The following CLEC16A variants were observed in gnomAD, a reference collection of about 807,000 sequenced individuals.
The protein encoded by CLEC16A is protein CLEC16A.
Under a neutral mutation model 109.5 loss-of-function variants are expected in CLEC16A, and 51 were observed. That is an observed-to-expected ratio of 0.47 (90% CI 0.37 to 0.59). CLEC16A has a LOEUF of 0.59. CLEC16A is among the 20% of genes least tolerant of loss of function. The pLI is 0.00. For missense variants in CLEC16A, 1,339 were observed against 1,394.0 expected (o/e 0.96, Z 0.63); for synonymous variants, 673 against 564.2 (o/e 1.19, Z -2.73).
intron 19 of CLEC16A, among the ~76,000 whole-genome samples, chr16:11,103,406 C>G (rs12923829): frequency 0.17 from 25,664 of 152,116 alleles, 2,336 homozygotes; most frequent in South Asian, 0.24. Flanking sequence ...ATGGTGAAAC[C>G]CTGTCTCTAC....
chr16:11,104,285 T>TTA (rs1567322843), intron 19 of CLEC16A, among the ~76,000 whole-genome samples: 4 of 150,038 alleles, frequency 2.7e-5, no homozygotes, highest in Admixed American at 2.0e-4. Context: ...ATTTTTTTTT[T>TTA]ATTAAAATTA....
intron 22 of CLEC16A, among the ~76,000 whole-genome samples, chr16:11,141,514 T>C (rs911458208): frequency 1.3e-5 from 2 of 152,010 alleles, no homozygotes; most frequent in South Asian, 4.2e-4. Flanking sequence ...CCGTGGGGGA[T>C]CTGGAGGGGT....
chr16:11,116,173 T>C (rs933832649), intron 19 of CLEC16A, among the ~76,000 whole-genome samples: 8 of 151,844 alleles, frequency 5.3e-5, no homozygotes, highest in African/African-American at 1.9e-4. Flanking sequence ...GCGGATCACT[T>C]GAGGCCAGGA....
chr16:11,157,203 G>A, intron 22 of CLEC16A: 1 of 1,246,210 alleles, frequency 8.0e-7, no homozygotes, highest in South Asian at 1.4e-5. Flanking sequence ...AAAGCAATCA[G>A]AAATAAAAAG....
Position 10,957,857 on chromosome 16 carries a change from T to A in CLEC16A, c.156T>A (p.Arg52=). The A allele has an allele frequency of 6.2e-7, 1 of 1,613,924 alleles. No individual in the cohort carries two copies. The highest frequency in any genetic ancestry group is 1.3e-5 in the African/African-American group (1 of 75,052). Residue 52 remains arginine (R), a synonymous_variant, in exon 2 of 24, where the codon CGT becomes CGA. Transcript: ENST00000409790. The part of the protein sequence containing the change: ...QNRNLLVETI[R]SITEILIWGD... ...GGAACCTGCTAGTGGAGACCATCCG[T>A]TCCATCACTGAGATCCTGATCTGGG...
At chr16:10,985,945 A>G (rs899282635) in intron 10 of CLEC16A, among the ~76,000 whole-genome samples, 3 of 143,684 alleles carry the variant, frequency 2.1e-5, no homozygotes, top group Non-Finnish European at 3.0e-5. Flanking sequence ...AGCTCAACTG[A>G]TCTGCCTGCC....
At chr16:11,101,772 T>C (rs2050929365) in intron 19 of CLEC16A, among the ~76,000 whole-genome samples, 1 of 152,112 alleles carries the variant, frequency 6.6e-6, no homozygotes, top group Non-Finnish European at 1.5e-5. Context: ...TCATAAGTAG[T>C]TCGTGTACAA....
chr16:11,086,964 G>T (rs983402564), intron 19 of CLEC16A, among the ~76,000 whole-genome samples: 1 of 152,192 alleles, frequency 6.6e-6, no homozygotes, highest in African/African-American at 2.4e-5. Context: ...TGAGATGTTT[G>T]CCGTGTCAGA....
chr16:10,983,468 G>A (rs2043444136), intron 10 of CLEC16A, among the ~76,000 whole-genome samples: 1 of 152,204 alleles, frequency 6.6e-6, no homozygotes, highest in Admixed American at 6.5e-5. Flanking sequence ...ATGGATGTAG[G>A]ATTACTAGGT....
chr16:11,043,505 C>T (rs968143684), intron 15 of CLEC16A, among the ~76,000 whole-genome samples: 1 of 152,164 alleles, frequency 6.6e-6, no homozygotes, highest in East Asian at 1.9e-4. Flanking sequence ...CCATTACAAT[C>T]GAATTACCTA....
At chr16:11,142,009 G>A (rs1597542711) in intron 22 of CLEC16A, among the ~76,000 whole-genome samples, 1 of 152,156 alleles carries the variant, frequency 6.6e-6, no homozygotes, top group African/African-American at 2.4e-5. Flanking sequence ...CTCGGGCACT[G>A]GGGATGTCTG....
chr16:11,154,292 C>T (rs2054415976), intron 22 of CLEC16A, among the ~76,000 whole-genome samples: 1 of 152,198 alleles, frequency 6.6e-6, no homozygotes, highest in Admixed American at 6.5e-5. Context: ...TGAATATTGG[C>T]AGTTGCATAT....
rs112998641 is a variant in CLEC16A at position 11,044,427 on chromosome 16, A to T, written c.1815+355A>T. ...ATGCACTTATGTTCATAAGTTATAT[A>T]TGCTTACACATATAAAATTACTTAT... On this transcript the variant is annotated intron_variant, in intron 16 of 23. Transcript: ENST00000409790. Among the ~76,000 whole-genome samples the T allele has an allele frequency of 2.9e-3, 444 of 152,356 alleles. 1 individual carries two copies. Among genetic ancestry groups the T allele is most frequent in the African/African-American group, 0.01 (418 of 41,586 alleles).
chr16:10,983,566 C>T (rs1220802324), intron 10 of CLEC16A, among the ~76,000 whole-genome samples: 1 of 152,124 alleles, frequency 6.6e-6, no homozygotes, highest in Non-Finnish European at 1.5e-5. Flanking sequence ...GACTAAGTAG[C>T]ATGTTTGTGG....
chr16:11,067,189 G>GTTTTTTTTTTTTTTTTTTTTTT (rs71406205), intron 19 of CLEC16A, among the ~76,000 whole-genome samples: 7 of 98,968 alleles, frequency 7.1e-5, no homozygotes, highest in Non-Finnish European at 7.7e-5. Flanking sequence ...GTTTGTTTTT[G>GTTTTTTTTTTTTTTTTTTTTTT]TTTTTTTTTT....
chr16:10,959,654 A>C (rs976165562), intron 2 of CLEC16A, among the ~76,000 whole-genome samples: 3 of 151,810 alleles, frequency 2.0e-5, no homozygotes, highest in African/African-American at 7.3e-5. Flanking sequence ...AGGTTCCCTA[A>C]GTGCTGGGAT....
chr16:11,167,165 G>A (rs181849284), intron 23 of CLEC16A, among the ~76,000 whole-genome samples: 6 of 152,160 alleles, frequency 3.9e-5, no homozygotes, highest in South Asian at 2.1e-4. Context: ...CTCGGCTGCC[G>A]TGAGCTATTC....
intron 19 of CLEC16A, among the ~76,000 whole-genome samples, chr16:11,079,403 G>A (rs992833226): frequency 6.6e-6 from 1 of 152,170 alleles, no homozygotes; most frequent in African/African-American, 2.4e-5. Flanking sequence ...TTAGTCATTT[G>A]CTAATAATTA....
intron 12 of CLEC16A, among the ~76,000 whole-genome samples, chr16:11,020,850 A>C (rs560434089): frequency 6.6e-6 from 1 of 152,136 alleles, no homozygotes; most frequent in African/African-American, 2.4e-5. Flanking sequence ...CATCTTCTTA[A>C]ACCTGGGTGA....
Sources: allele counts gnomAD v4.1 joint callset (sites outside exome capture counted in the v4.1 genomes callset), GRCh38; gene constraint gnomAD v4.1.1; transcripts MANE v1.5; gene names NCBI Gene and HGNC (gene_info 2026-07-23, HGNC 2026-07-21).